The following FAM114A2 variants were observed in gnomAD, a reference collection of about 807,000 sequenced individuals.
FAM114A2 encodes the protein protein FAM114A2.
A neutral mutation model predicts 58.4 loss-of-function variants in FAM114A2; 53 were observed. The ratio of observed to expected loss-of-function variants is 0.91; its 90% CI spans 0.73 to 1.14. The LOEUF (loss-of-function observed/expected upper bound fraction) is 1.14, where lower values mean the gene tolerates loss of function less well. Ranked by LOEUF, FAM114A2 falls within the 50% of genes most tolerant of loss-of-function variation. The pLI is 0.00. For synonymous variants in FAM114A2, 228 were observed against 211.4 expected, an observed-to-expected ratio of 1.08 and a Z score of -0.68; for missense variants, 601 against 581.1, an observed-to-expected ratio of 1.03 and a Z score of -0.35.
At chr5:154,011,456 A>G (rs1770696300) in intron 8 of FAM114A2, 136 bp from the exon 9 acceptor site, 1 of 611,212 alleles carries the variant, frequency 1.6e-6, no homozygotes, top group East Asian at 2.8e-5. Context: ...GCAGTAATGT[A>G]CATGAGCATG....
At position 154,034,352 on chromosome 5, in the gene FAM114A2, T is replaced by G. The variant is rs201738557; in HGVS notation, c.236A>C (p.Gln79Pro). Residue 79 changes from glutamine (Q) to proline (P), a missense_variant, in exon 3 of 14, where the codon CAG becomes CCG. Gln to Pro is a moderately conservative substitution (Grantham distance 76). Transcript: ENST00000351797. ...GCTCCCCCAATAACCCCATCTGGTC[T>G]GGGGTACATCTTTGGAAACATTATC... Reference protein sequence around the residue: ...IQDNVSKDVPQTRWGYWGSWG... With the variant: ...IQDNVSKDVPPTRWGYWGSWG... 960 of 1,594,140 alleles carry G rather than the reference T, an allele frequency of 6.0e-4. 15 individuals are homozygous for G. The South Asian group carries it at 9.5e-3, about 16-fold the overall frequency.
At chr5:154,030,314 A>C (rs1246037173) in intron 4 of FAM114A2, among the ~76,000 whole-genome samples, 1 of 152,244 alleles carries the variant, frequency 6.6e-6, no homozygotes, top group Non-Finnish European at 1.5e-5. Context: ...AATTTCACAT[A>C]GGAGAACAAC....
intron 8 of FAM114A2, among the ~76,000 whole-genome samples, chr5:154,013,342 AC>A (rs796128279): frequency 1.5e-4 from 23 of 152,278 alleles, no homozygotes; most frequent in African/African-American, 5.5e-4. Context: ...AATGAAGATA[AC>A]CAACATCATA....
chr5:154,019,338 A>T (rs1231942199), intron 8 of FAM114A2, among the ~76,000 whole-genome samples: 1 of 152,174 alleles, frequency 6.6e-6, no homozygotes, highest in East Asian at 1.9e-4. Flanking sequence ...AAGGTGAAAG[A>T]CCCCAACAAG....
At chr5:154,035,320 CT>C in intron 1 of FAM114A2, among the ~76,000 whole-genome samples, 1 of 152,228 alleles carries the variant, frequency 6.6e-6, no homozygotes, top group Non-Finnish European at 1.5e-5. Flanking sequence ...TTGTGCTATC[CT>C]TTTTTAGCCA....
chr5:154,035,001 A>G (rs1251439028), intron 1 of FAM114A2, 34 bp from the exon 2 acceptor site: 5 of 1,319,844 alleles, frequency 3.8e-6, no homozygotes, highest in Non-Finnish European at 5.4e-6. Flanking sequence ...AAATTTATAT[A>G]GGCTTCTTTG....
intron 9 of FAM114A2, among the ~76,000 whole-genome samples, chr5:154,005,849 TGAGA>T (rs1770316253): frequency 6.6e-6 from 1 of 152,224 alleles, no homozygotes. Context: ...GAGAAGACTT[TGAGA>T]GTCATTCTAA....
intron 5 of FAM114A2, among the ~76,000 whole-genome samples, chr5:154,028,583 C>T (rs189703563): frequency 6.4e-4 from 98 of 152,290 alleles, no homozygotes; most frequent in Non-Finnish European, 1.2e-3. Context: ...TTCATAACAG[C>T]TCTGCTTGTA....
rs781155269 is a variant in FAM114A2 at position 154,026,511 on chromosome 5, G to T, written c.801C>A (p.Ile267=). 1.1e-5 allele frequency: 16 copies of T among 1,518,734 alleles called. No homozygotes were observed. Among genetic ancestry groups the T allele is most frequent in the Non-Finnish European group, 1.3e-5 (15 of 1,134,428 alleles). 94.1% of individuals were successfully genotyped at this position (1,518,734 alleles called of 1,614,324 possible). ...ATTCTTCTCCACTCAGAGAATTAAG[G>T]ATAGATTTCACCTGAATGGATACAA... is the stretch of plus-strand genomic sequence containing the variant. ...SQESEIKVKS[I]LNSLSGEELE... is the part of the protein sequence containing the mutation. The change falls in exon 8 of 14, where the codon ATC becomes ATA. Residue 267 remains isoleucine, a synonymous_variant. Transcript: ENST00000351797.
In FAM114A2 at chr5:154,034,883, C is replaced by T; in HGVS notation, c.71G>A (p.Cys24Tyr). 6.2e-7 allele frequency: 1 copy of T among 1,614,028 alleles called. No individual in the cohort carries two copies. The change falls in exon 2 of 14, where the codon TGT (cysteine) becomes TAT (tyrosine). Residue 24 changes from cysteine (C) to tyrosine (Y), a missense_variant. Cys to Tyr is a radical substitution (Grantham distance 194). Transcript: ENST00000351797. ...AGACTCAGAATTCTTGGCTGGCTCA[C>T]AGTTTCCATCTTCAAGGATGGGGGC... ...EAAPILEDGN[C>Y]EPAKNSESVD...
Position 154,017,269 on chromosome 5 carries a change from C to T in FAM114A2, c.914-5949G>A, listed in dbSNP as rs945909601. Among the ~76,000 whole-genome samples the T allele has an allele frequency of 3.3e-5, 5 of 152,094 alleles. No homozygotes were observed. The South Asian group carries it at 1.0e-3, about 32-fold the overall frequency. ...ACCAGCCTGACAAACATAGAGAAAC[C>T]CCGTCTCTACTAAAAATACAAAATT... On this transcript the variant is annotated intron_variant, in intron 8 of 13. Coordinates refer to ENST00000351797, the MANE Select transcript of FAM114A2 (RefSeq NM_018691.4).
chr5:154,035,744 A>G (rs1772513727), intron 1 of FAM114A2, among the ~76,000 whole-genome samples: 1 of 152,212 alleles, frequency 6.6e-6, no homozygotes, highest in African/African-American at 2.4e-5. Context: ...GTTCATGTTT[A>G]GTTTTATGAG....
Position 154,029,417 on chromosome 5 carries a change from AAGAGAG to A in FAM114A2, c.495+66_495+71del. 3 of 888,142 alleles carry A rather than the reference AAGAGAG, an allele frequency of 3.4e-6. No homozygotes were observed. The East Asian group carries it at 7.5e-5, about 22-fold the overall frequency. 55.0% of individuals were successfully genotyped at this position (888,142 alleles called of 1,614,324 possible). A position where few individuals can be genotyped will look rare whatever the true frequency, so the allele number is the denominator to read the frequency against. On this transcript the variant is annotated intron_variant, in intron 5 of 13. Transcript: ENST00000351797. ...TCAGTCCACATGGCTGTTCAAAGAA[AAGAGAG>A]AGAAAGATATGCAAACCCATTATAA...
intron 8 of FAM114A2, among the ~76,000 whole-genome samples, chr5:154,018,955 C>T (rs1312955191): frequency 6.6e-6 from 1 of 152,086 alleles, no homozygotes; most frequent in Admixed American, 6.6e-5. Context: ...CAACATAATA[C>T]CGAATGGAGA....
chr5:153,990,179 TG>T lies in FAM114A2; in HGVS notation c.*2796del, dbSNP rs1336850807. 5.9e-5 allele frequency: 9 copies of T among 152,250 alleles called. No homozygotes were observed. The highest frequency in any genetic ancestry group is 8.8e-5 in the Non-Finnish European group (6 of 68,044). 9.4% of individuals were successfully genotyped at this position (152,250 alleles called of 1,614,324 possible). A position where few individuals can be genotyped will look rare whatever the true frequency, so the allele number is the denominator to read the frequency against. On this transcript the variant is annotated 3_prime_UTR_variant, in exon 14 of 14. Coordinates refer to ENST00000351797, the MANE Select transcript of FAM114A2 (RefSeq NM_018691.4). ...GCCCACTGTGGGTATAATTTTATTC[TG>T]GGTTTTCTAAACTGAAGAATTCAGG...
chr5:154,031,797 T>C (rs1474175104), intron 4 of FAM114A2, among the ~76,000 whole-genome samples: 1 of 152,186 alleles, frequency 6.6e-6, no homozygotes, highest in Non-Finnish European at 1.5e-5. Context: ...TATAAGACTT[T>C]CTCTTGTAAG....
At chr5:154,023,200 G>C (rs1186539009) in intron 8 of FAM114A2, among the ~76,000 whole-genome samples, 10 of 152,162 alleles carry the variant, frequency 6.6e-5, no homozygotes, top group Admixed American at 6.5e-4. Flanking sequence ...ATGAGTTGAT[G>C]GGTGCAGCAA....
At chr5:154,000,462 C>CAT (rs10670991) in intron 11 of FAM114A2, among the ~76,000 whole-genome samples, 92,175 of 150,692 alleles carry the variant, frequency 0.61, 28,607 homozygotes, top group East Asian at 0.87. Context: ...ACATGTACCC[C>CAT]ATATATATAT....
intron 9 of FAM114A2, among the ~76,000 whole-genome samples, chr5:154,008,832 C>G (rs960330650): frequency 6.6e-6 from 1 of 152,132 alleles, no homozygotes; most frequent in Admixed American, 6.5e-5. Flanking sequence ...AGATACATCT[C>G]ATAATTAAGG....
Sources: allele counts gnomAD v4.1 joint callset (sites outside exome capture counted in the v4.1 genomes callset), GRCh38; gene constraint gnomAD v4.1.1; transcripts MANE v1.5; gene names NCBI Gene and HGNC (gene_info 2026-07-23, HGNC 2026-07-21).